GPHN: variants seen among roughly 807,000 people sequenced by gnomAD.
The protein encoded by GPHN is gephyrin.
In GPHN, 17 loss-of-function variants were observed where a neutral mutation model predicts 95.5. That is an observed-to-expected ratio of 0.18 (90% CI 0.12 to 0.27). The LOEUF is 0.27. GPHN is among the 10% of genes least tolerant of loss of function. GPHN has a pLI of 1.00. For missense variants in GPHN, 660 were observed against 978.1 expected (o/e 0.67, Z 4.34); for synonymous variants, 320 against 322.5 (o/e 0.99, Z 0.08).
At chr14:66,619,883 T>C (rs930024616) in intron 1 of GPHN, among the ~76,000 whole-genome samples, 1 of 152,182 alleles carries the variant, frequency 6.6e-6, no homozygotes, top group Admixed American at 6.5e-5. Context: ...AGCTTTTGTG[T>C]AGTTTTGGGG....
At chr14:67,480,385 G>A in the GPHN span, among the ~76,000 whole-genome samples, 1 of 152,278 alleles carries the variant, frequency 6.6e-6, no homozygotes, top group Admixed American at 6.5e-5. Context: ...CCGGGAGACT[G>A]AAGGTGAGCC....
At chr14:66,606,947 G>C (rs1003274513) in intron 1 of GPHN, among the ~76,000 whole-genome samples, 2 of 152,062 alleles carry the variant, frequency 1.3e-5, no homozygotes, top group Admixed American at 6.6e-5. Context: ...TCTTTTGTCT[G>C]ATTATTCTGA....
chr14:67,629,454 C>A, the GPHN span, among the ~76,000 whole-genome samples: 1 of 152,086 alleles, frequency 6.6e-6, no homozygotes, highest in Non-Finnish European at 1.5e-5. Flanking sequence ...CAGCATGATT[C>A]CATTTATATG....
chr14:67,106,509 G>GTC (rs1273610577), intron 13 of GPHN, among the ~76,000 whole-genome samples: 2 of 151,634 alleles, frequency 1.3e-5, no homozygotes, highest in African/African-American at 2.4e-5. Context: ...GTTTCTCTCT[G>GTC]TCTCTCTCTC....
chr14:67,251,410 G>A, the GPHN span, among the ~76,000 whole-genome samples: 168 of 152,206 alleles, frequency 1.1e-3, 4 homozygotes, highest in Admixed American at 0.011. Context: ...GTGTGTGCCT[G>A]TGGTCCCAGC....
chr14:66,592,211 C>G (rs11842687), intron 1 of GPHN, among the ~76,000 whole-genome samples: 2 of 152,094 alleles, frequency 1.3e-5, no homozygotes, highest in African/African-American at 4.8e-5. Context: ...TAGAAGAAAA[C>G]CTAGGCAATA....
the GPHN span, among the ~76,000 whole-genome samples, chr14:67,401,846 C>T: frequency 6.6e-6 from 1 of 151,746 alleles, no homozygotes; most frequent in Admixed American, 6.6e-5. Context: ...AAATACAGGC[C>T]GGCGCGGTGG....
At chr14:66,835,488 C>T (rs1034399562) in intron 4 of GPHN, among the ~76,000 whole-genome samples, 47 of 151,846 alleles carry the variant, frequency 3.1e-4, no homozygotes, top group African/African-American at 1.1e-3. Context: ...CAGCCAATAT[C>T]ATACTGAATG....
At chr14:67,128,052 T>G (rs537674911) in intron 17 of GPHN, among the ~76,000 whole-genome samples, 2 of 152,352 alleles carry the variant, frequency 1.3e-5, no homozygotes, top group South Asian at 4.1e-4. Flanking sequence ...TCTTGGCTTT[T>G]ATAGCTCTTT....
the GPHN span, among the ~76,000 whole-genome samples, chr14:67,636,730 T>C: frequency 5.3e-5 from 8 of 152,152 alleles, no homozygotes; most frequent in Non-Finnish European, 1.0e-4. Context: ...CGGTGTATTT[T>C]ATTACCAGCA....
At chr14:67,662,919 A>AG in the GPHN span, 1 of 1,279,988 alleles carries the variant, frequency 7.8e-7, no homozygotes. Flanking sequence ...AAAAAAAAAA[A>AG]AAGAATGTTT....
the GPHN span, among the ~76,000 whole-genome samples, chr14:67,424,106 G>A: frequency 6.6e-6 from 1 of 152,090 alleles, no homozygotes; most frequent in East Asian, 1.9e-4. Flanking sequence ...CAAGCCTGGT[G>A]GCAGGTGCCT....
At chr14:66,627,763 C>T (rs1019835318) in intron 1 of GPHN, among the ~76,000 whole-genome samples, 4 of 151,842 alleles carry the variant, frequency 2.6e-5, no homozygotes, top group African/African-American at 4.8e-5. Flanking sequence ...AATTATTTTG[C>T]GTTTTTTGGT....
chr14:67,460,203 T>C, the GPHN span, among the ~76,000 whole-genome samples: 1 of 152,190 alleles, frequency 6.6e-6, no homozygotes, highest in Non-Finnish European at 1.5e-5. Context: ...GGGATGGTTA[T>C]AACAGGGTCA....
intron 8 of GPHN, among the ~76,000 whole-genome samples, chr14:66,926,905 C>A (rs2066511614): frequency 6.6e-6 from 1 of 152,070 alleles, no homozygotes; most frequent in Admixed American, 6.6e-5. Flanking sequence ...TTGTGTGTGT[C>A]CACTTCAATT....
intron 10 of GPHN, among the ~76,000 whole-genome samples, chr14:67,029,284 C>A (rs2074069707): frequency 6.6e-6 from 1 of 151,446 alleles, no homozygotes. Flanking sequence ...ACTACTAGTA[C>A]TACTAGTAAT....
chr14:66,779,367 T>C (rs2059521711), intron 3 of GPHN, among the ~76,000 whole-genome samples: 2 of 152,156 alleles, frequency 1.3e-5, no homozygotes, highest in South Asian at 4.1e-4. Context: ...TATCATCAAA[T>C]GTTGTTAAAG....
the GPHN span, chr14:67,269,990 G>A: frequency 6.6e-6 from 1 of 152,198 alleles, no homozygotes; most frequent in Non-Finnish European, 1.5e-5. Context: ...GGACACTAGT[G>A]TAGACTGAAC....
intron 3 of GPHN, among the ~76,000 whole-genome samples, chr14:66,804,492 A>T (rs75103937): frequency 0.013 from 2,016 of 152,296 alleles, 55 homozygotes; most frequent in African/African-American, 0.045. Flanking sequence ...ATACCACCAG[A>T]ATCTACAATT....
Sources: gnomAD v4.1 joint callset for allele counts (sites outside exome capture counted in the v4.1 genomes callset) on GRCh38, gnomAD v4.1.1 for gene constraint, MANE v1.5 for transcripts, NCBI Gene and HGNC (gene_info 2026-07-23, HGNC 2026-07-21) for gene names.